Variants in MUC6 observed in about 807,000 individuals in gnomAD.
MUC6 encodes the protein mucin-6.
In MUC6, 188 loss-of-function variants were observed where a neutral mutation model predicts 201.5. The ratio of observed to expected loss-of-function variants is 0.93; its 90% confidence interval spans 0.83 to 1.05. MUC6 has a LOEUF of 1.05. Ranked by LOEUF, MUC6 falls within the 50% of genes least tolerant of loss-of-function variation. The pLI is 0.00. For missense variants in MUC6, 2,706 were observed against 3,256.9 expected, an observed-to-expected ratio of 0.83 and a Z score of 4.12; for synonymous variants, 1,228 against 1,389.4, an observed-to-expected ratio of 0.88 and a Z score of 2.58.
rs903691132 is a variant in MUC6, at chr11:1,029,552, A to G, written c.1079T>C (p.Val360Ala). Reference sequence around the variant, plus strand: ...GGGGGCATACATGGCGCCGTGGAGCACACAGGGGCACTGGGTGACGGGCAC... The same window carrying G: ...GGGGGCATACATGGCGCCGTGGAGCGCACAGGGGCACTGGGTGACGGGCAC... ...TCVPVTQCPC[V>A]LHGAMYAPGE... The change falls in exon 9 of 33, where the codon GTG (valine) becomes GCG (alanine). Residue 360 changes from valine (V) to alanine (A), a missense_variant. Physicochemically the swap from Val to Ala is moderately conservative, Grantham distance 64. Coordinates refer to ENST00000421673, the MANE Select transcript of MUC6 (RefSeq NM_005961.3). 1.2e-6 allele frequency: 2 copies of G among 1,611,796 alleles called. No individual in the cohort carries two copies. Among genetic ancestry groups the G allele is most frequent in the African/African-American group, 2.7e-5 (2 of 74,860 alleles).
At chr11:1,028,868 A>G (rs753666232) in intron 12 of MUC6, 21 bp downstream of exon 12, 1 of 1,611,200 alleles carries the variant, frequency 6.2e-7, no homozygotes, top group South Asian at 1.1e-5. Context: ...CTGGGGGGCC[A>G]CAGACTGGGC....
chr11:1,018,717 G>A lies in MUC6; in HGVS notation c.4084C>T (p.Pro1362Ser), dbSNP rs766445736. Reference protein sequence around the residue: ...PGTTATQTTGPRPTPASTTGP... With the variant: ...PGTTATQTTGSRPTPASTTGP... ...GTGGTGCTTGCTGGGGTTGGACGTG[G>A]GCCTGTCGTCTGGGTGGCCGTTGTT... Residue 1362 changes from proline to serine, a missense_variant, in exon 31 of 33, where the codon CCA (proline) becomes TCA (serine). By Grantham distance (74) the Pro-to-Ser change is moderately conservative. Coordinates refer to ENST00000421673, the MANE Select transcript of MUC6 (RefSeq NM_005961.3). The A allele has an allele frequency of 5.6e-6, 9 of 1,593,424 alleles. No individual in the cohort carries two copies. The East Asian group carries it at 1.8e-4, about 32-fold the overall frequency.
chr11:1,013,252 G>T lies in MUC6; in HGVS notation c.*204C>A. 3.4e-6 allele frequency: 2 copies of T among 591,522 alleles called. No homozygotes were observed. Among genetic ancestry groups the T allele is most frequent in the South Asian group, 2.1e-5 (1 of 48,178 alleles). 36.6% of individuals were successfully genotyped at this position (591,522 alleles called of 1,614,324 possible). A position where few individuals can be genotyped will look rare whatever the true frequency, so the allele number is the denominator to read the frequency against. ...CTCAGTCCCTCTCTGCTGGCTCAGG[G>T]TCTGCAGGAGTGTGGTAGTCTGAGC... On this transcript the variant is annotated 3_prime_UTR_variant, in exon 33 of 33. Coordinates refer to ENST00000421673, the MANE Select transcript of MUC6 (RefSeq NM_005961.3).
At chr11:1,026,780 G>T (rs1856969793) in intron 19 of MUC6, among the ~76,000 whole-genome samples, 161 bp downstream of exon 19, 1 of 152,234 alleles carries the variant, frequency 6.6e-6, no homozygotes, top group Admixed American at 6.5e-5. Context: ...AGCCCCCGGG[G>T]CCTCCAGCTG....
intron 13 of MUC6, 50 bp downstream of exon 13, chr11:1,028,596 G>C (rs757207091): frequency 1.7e-5 from 27 of 1,588,708 alleles, no homozygotes; most frequent in Non-Finnish European, 2.1e-5. Flanking sequence ...GTCATGGCCA[G>C]ACCCTGTAGG....
chr11:1,029,199 C>G, intron 10 of MUC6, 29 bp downstream of exon 10: 1 of 1,605,684 alleles, frequency 6.2e-7, no homozygotes, highest in Non-Finnish European at 8.5e-7. Flanking sequence ...GGGAGCGCCC[C>G]TCCCCACGGG....
chr11:1,015,101 G>A (rs1856572556), intron 31 of MUC6, among the ~76,000 whole-genome samples: 1 of 152,228 alleles, frequency 6.6e-6, no homozygotes, highest in Admixed American at 6.5e-5. Context: ...GGGAAGGGAG[G>A]GACATCCCTG....
At chr11:1,021,375 T>A in intron 26 of MUC6, 98 bp from the exon 27 acceptor site, 1 of 610,770 alleles carries the variant, frequency 1.6e-6, no homozygotes, top group African/African-American at 2.2e-5. Flanking sequence ...CTGCTTTTTT[T>A]TTTTTTTTTT....
intron 32 of MUC6, 127 bp downstream of exon 32, chr11:1,013,772 C>G (rs1856534805): frequency 7.2e-7 from 1 of 1,387,442 alleles, no homozygotes; most frequent in Non-Finnish European, 9.9e-7. Flanking sequence ...CGGTGTTGGG[C>G]AGATGGAGCG....
chr11:1,029,810 T>A (rs1386482226), intron 8 of MUC6, among the ~76,000 whole-genome samples, 195 bp from the exon 9 acceptor site: 2 of 152,146 alleles, frequency 1.3e-5, no homozygotes, highest in Middle Eastern at 6.3e-3. Context: ...TCTCTCCAGC[T>A]GCACTTGCAT....
intron 4 of MUC6, 90 bp from the exon 5 acceptor site, chr11:1,031,349 GC>G: frequency 1.5e-6 from 2 of 1,306,082 alleles, no homozygotes; most frequent in Non-Finnish European, 1.0e-6. Context: ...TGGACCCAGA[GC>G]CCCCACCATC....
rs931200748 is a variant in MUC6, at chr11:1,030,242, G to A, written c.986C>T (p.Ser329Phe). 9.0e-6 allele frequency: 14 copies of A among 1,551,354 alleles called. No individual in the cohort carries two copies. The highest frequency in any genetic ancestry group is 1.2e-5 in the Non-Finnish European group (14 of 1,147,888). Residue 329 changes from serine (S) to phenylalanine (F), a missense_variant, in exon 8 of 33, where the codon TCC (serine) becomes TTC (phenylalanine). Coordinates refer to ENST00000421673, the MANE Select transcript of MUC6 (RefSeq NM_005961.3). ...CGGGCAGAAGCACCCGAAGGTGCAGGAGCTGGAGCAGCTGTGCTGCGGGTT... is the reference window on the plus strand; with the variant it reads ...CGGGCAGAAGCACCCGAAGGTGCAGAAGCTGGAGCAGCTGTGCTGCGGGTT... ...CSNPQHSCSSSCTFGCFCPEG... is the reference protein window; with the variant it reads ...CSNPQHSCSSFCTFGCFCPEG...
chr11:1,018,368 G>C lies in MUC6; in HGVS notation c.4433C>G (p.Ser1478Ter), dbSNP rs767359673. ...AQMATSASNH[S>*]APTGTIPPPT... ...TGGAGGAATGGTACCTGTTGGCGCT[G>C]AGTGGTTGGAGGCAGATGTGGCCAT... Residue 1478 changes from serine (S) to a stop codon, truncating the protein, a stop_gained, in exon 31 of 33, where the codon TCA becomes TGA. Coordinates refer to ENST00000421673, the MANE Select transcript of MUC6 (RefSeq NM_005961.3). LOFTEE classifies it high-confidence loss of function. 1.9e-6 allele frequency: 3 copies of C among 1,613,808 alleles called. No individual in the cohort carries two copies. The highest frequency in any genetic ancestry group is 4.5e-5 in the East Asian group (2 of 44,792).
chr11:1,025,170 G>A lies in MUC6; in HGVS notation c.2985+12C>T. On this transcript the variant is annotated intron_variant, in intron 23 of 32. Transcript: ENST00000421673. Reference sequence around the variant, plus strand: ...AGGGAGGGCCTGGGAGGAGGCAGAGGGCGTGCGGTACCTGGGAGGCACGGG... The same window carrying A: ...AGGGAGGGCCTGGGAGGAGGCAGAGAGCGTGCGGTACCTGGGAGGCACGGG... 1 of 1,610,628 alleles carries A rather than the reference G, an allele frequency of 6.2e-7. No homozygotes were observed. Among genetic ancestry groups the A allele is most frequent in the South Asian group, 1.1e-5 (1 of 91,058 alleles).
At chr11:1,031,759 C>T (rs778145646) in intron 3 of MUC6, 26 bp from the exon 4 acceptor site, 125 of 1,550,142 alleles carry the variant, frequency 8.1e-5, no homozygotes, top group Middle Eastern at 5.0e-4. Flanking sequence ...AGTCGGTGGT[C>T]GATCCTCAGT....
At chr11:1,032,353 A>T (rs1857126859) in intron 2 of MUC6, among the ~76,000 whole-genome samples, 1 of 151,450 alleles carries the variant, frequency 6.6e-6, no homozygotes, top group African/African-American at 2.4e-5. Flanking sequence ...AGGTGTGTCC[A>T]TGTGTGCATT....
intron 32 of MUC6, 39 bp from the exon 33 acceptor site, chr11:1,013,672 G>T (rs1396208149): frequency 2.6e-6 from 4 of 1,536,678 alleles, no homozygotes; most frequent in Non-Finnish European, 3.5e-6. Flanking sequence ...CATGACTGCT[G>T]CAGGGGCATA....
intron 30 of MUC6, 129 bp from the exon 31 acceptor site, chr11:1,018,899 C>T (rs1360418590): frequency 8.3e-7 from 1 of 1,205,316 alleles, no homozygotes; most frequent in Non-Finnish European, 1.1e-6. Context: ...GACATGGCCC[C>T]TGCTGGGCAC....
At position 1,016,004 on chromosome 11, in the gene MUC6, G is replaced by A; in HGVS notation, c.6797C>T (p.Ser2266Phe). The change falls in exon 31 of 33, where the codon TCT becomes TTT. Residue 2266 changes from serine (S) to phenylalanine (F), a missense_variant. Physicochemically the swap from Ser to Phe is radical, Grantham distance 155 (BLOSUM62 -2). Around this residue, in one of 10 missense-constraint regions of MUC6, gnomAD observed 586 missense variants for 488.0 expected, o/e 1.20. Transcript: ENST00000421673. ...AGTGGACCGCGAGGTGGTGGACTGA[G>A]AGGAGAAGGCAGGGGCGGTGTGGGT... ...ASTHTAPAFS[S>F]QSTTSRSTSL... 22 of 1,604,988 alleles carry A rather than the reference G, an allele frequency of 1.4e-5. No individual in the cohort carries two copies. The highest frequency in any genetic ancestry group is 1.9e-5 in the Non-Finnish European group (22 of 1,174,304).
Sources: gnomAD v4.1 joint callset for allele counts (sites outside exome capture counted in the v4.1 genomes callset) on GRCh38, gnomAD v4.1.1 for gene constraint, gnomAD v4.1.1 regional missense constraint, MANE v1.5 for transcripts, NCBI Gene and HGNC (gene_info 2026-07-23, HGNC 2026-07-21) for gene names.